PRKAR1B: variants seen among roughly 807,000 people sequenced by gnomAD.
The protein encoded by PRKAR1B is cAMP-dependent protein kinase type I-beta regulatory subunit.
In PRKAR1B, 22 loss-of-function variants were observed where a neutral mutation model predicts 46.5. The ratio of observed to expected loss-of-function variants is 0.47; its 90% confidence interval spans 0.34 to 0.68. The LOEUF is 0.68. Ranked by LOEUF, PRKAR1B falls within the 30% of genes least tolerant of loss-of-function variation. The pLI is 0.01. For synonymous variants in PRKAR1B, 259 were observed against 217.7 expected (o/e 1.19, Z -1.67); for missense variants, 445 against 535.6 (o/e 0.83, Z 1.67).
intron 7 of PRKAR1B, among the ~76,000 whole-genome samples, chr7:586,695 C>T (rs141894212): frequency 6.6e-6 from 1 of 152,332 alleles, no homozygotes; most frequent in African/African-American, 2.4e-5. Context: ...TACACAGCCA[C>T]AGCTAACTAA....
chr7:568,916 C>T (rs1272262925), intron 9 of PRKAR1B, among the ~76,000 whole-genome samples: 1 of 151,144 alleles, frequency 6.6e-6, no homozygotes, highest in Admixed American at 6.6e-5. Context: ...CTGGAAATGT[C>T]TGCAATGGAA....
chr7:631,769 TAG>T (rs1234811168), intron 4 of PRKAR1B, among the ~76,000 whole-genome samples: 1 of 150,774 alleles, frequency 6.6e-6, no homozygotes, highest in African/African-American at 2.4e-5. Context: ...CTGGCCAACA[TAG>T]AGAGACCCCC....
rs533365707 is a variant in PRKAR1B at position 593,278 on chromosome 7, C to A, written c.708+2868G>T. 6.6e-6 allele frequency among the ~76,000 whole-genome samples: 1 copy of A among 152,216 alleles called. No individual in the cohort carries two copies. Among genetic ancestry groups the A allele is most frequent in the African/African-American group, 2.4e-5 (1 of 41,514 alleles). ...GGTCTACTTCCTGGAGACACCAGACCGGGTCTCCCGCGTCCCCCAGGTCCC... is the reference window on the plus strand; with the variant it reads ...GGTCTACTTCCTGGAGACACCAGACAGGGTCTCCCGCGTCCCCCAGGTCCC... On this transcript the variant is annotated intron_variant, in intron 7 of 10. Coordinates refer to ENST00000537384, the MANE Select transcript of PRKAR1B (RefSeq NM_001164760.2). This position sits in a 1 kb window ranked among gnomAD's most constrained non-coding sequence, Gnocchi z 6.1.
At chr7:660,882 T>G (rs1418328439) in intron 4 of PRKAR1B, among the ~76,000 whole-genome samples, 1 of 57,216 alleles carries the variant, frequency 1.7e-5, no homozygotes, top group Non-Finnish European at 3.3e-5. Flanking sequence ...CACAGGTCCC[T>G]ACTCCAACGG....
rs150090106 is a variant in PRKAR1B, at chr7:602,930, G to A, written c.549+3263C>T. 2.0e-5 allele frequency among the ~76,000 whole-genome samples: 3 copies of A among 152,290 alleles called. No homozygotes were observed. Among genetic ancestry groups the A allele is most frequent in the African/African-American group, 4.8e-5 (2 of 41,572 alleles). On this transcript the variant is annotated intron_variant, in intron 6 of 10. Transcript: ENST00000537384. This position sits in a 1 kb window ranked among gnomAD's most constrained non-coding sequence, Gnocchi z 6.4. ...GGTCCTCTGAGTCCCGAGTCCACGCGATCCTGACCCGTCCACCACCCTCCT... is the reference window on the plus strand; with the variant it reads ...GGTCCTCTGAGTCCCGAGTCCACGCAATCCTGACCCGTCCACCACCCTCCT...
chr7:629,011 C>T (rs185525555), intron 4 of PRKAR1B, among the ~76,000 whole-genome samples: 45 of 152,336 alleles, frequency 3.0e-4, no homozygotes, highest in African/African-American at 9.6e-4. Flanking sequence ...CACCGCGGGA[C>T]GCCATTGCTA....
intron 7 of PRKAR1B, among the ~76,000 whole-genome samples, chr7:594,849 GATC>G (rs1278219621): frequency 2.6e-5 from 4 of 152,026 alleles, no homozygotes; most frequent in African/African-American, 9.7e-5. Flanking sequence ...GTCCCCCCCA[GATC>G]ATGACGAGAC....
intron 9 of PRKAR1B, among the ~76,000 whole-genome samples, chr7:555,797 G>C (rs1370992713): frequency 6.6e-6 from 1 of 152,212 alleles, no homozygotes; most frequent in East Asian, 1.9e-4. Context: ...CTACCCGAAG[G>C]CTGCAGTCAC....
intron 4 of PRKAR1B, among the ~76,000 whole-genome samples, chr7:660,189 T>C (rs910917267): frequency 3.3e-5 from 5 of 151,934 alleles, no homozygotes; most frequent in Non-Finnish European, 7.4e-5. Context: ...CGGCTCCATG[T>C]TCCGGGTTCT....
intron 2 of PRKAR1B, among the ~76,000 whole-genome samples, chr7:691,961 A>G (rs74560326): frequency 0.033 from 5,096 of 152,298 alleles, 313 homozygotes; most frequent in African/African-American, 0.12. Context: ...GGGAGACGGA[A>G]ATCAAGGGTG....
chr7:695,617 A>G (rs1019796054), intron 2 of PRKAR1B, among the ~76,000 whole-genome samples: 5 of 152,012 alleles, frequency 3.3e-5, no homozygotes, highest in Non-Finnish European at 7.4e-5. Context: ...GACCAAATAA[A>G]GTGCCTCAGC....
rs545778422 is a variant in PRKAR1B, at chr7:572,599, A to T, written c.891+6657T>A. On this transcript the variant is annotated intron_variant, in intron 9 of 10. Transcript: ENST00000537384. Reference sequence around the variant, plus strand: ...ACACCTGTGCGGGGCTGGGGTCCCCACACCTGAGGGAAATCAGCTCCCAAA... The same window carrying T: ...ACACCTGTGCGGGGCTGGGGTCCCCTCACCTGAGGGAAATCAGCTCCCAAA... Among the ~76,000 whole-genome samples the T allele has an allele frequency of 1.1e-4, 16 of 152,110 alleles. 1 individual carries two copies. The South Asian group carries it at 2.1e-3, about 20-fold the overall frequency.
At chr7:689,793 C>G (rs1173132752) in intron 2 of PRKAR1B, among the ~76,000 whole-genome samples, 1 of 151,950 alleles carries the variant, frequency 6.6e-6, no homozygotes, top group Non-Finnish European at 1.5e-5. Context: ...CATTCTCCTG[C>G]CTCAGCCTCT....
At chr7:647,405 T>C (rs1259260582) in intron 4 of PRKAR1B, among the ~76,000 whole-genome samples, 3 of 151,962 alleles carry the variant, frequency 2.0e-5, no homozygotes, top group East Asian at 3.9e-4. Flanking sequence ...CTCCCATCCA[T>C]GCCCCCTCTA....
intron 2 of PRKAR1B, chr7:691,493 C>T: frequency 7.7e-7 from 1 of 1,304,342 alleles, no homozygotes; most frequent in African/African-American, 1.5e-5. Flanking sequence ...CCCCAGCGCA[C>T]CACAGCCATC....
intron 4 of PRKAR1B, among the ~76,000 whole-genome samples, chr7:659,578 G>A (rs529847916): frequency 1.3e-5 from 2 of 152,264 alleles, no homozygotes; most frequent in East Asian, 3.9e-4. Flanking sequence ...CACTGGTGAG[G>A]CAAGAAGACG....
rs1295929335 is a variant in PRKAR1B, at chr7:666,423, G to C, written c.440+10806C>G. ...GTAACTGCCCCGGGCACCCCAGGTA[G>C]GATGCGGAATCTGCTTCGCTCCAAT... On this transcript the variant is annotated intron_variant, in intron 4 of 10. Coordinates refer to ENST00000537384, the MANE Select transcript of PRKAR1B (RefSeq NM_001164760.2). The surrounding 1 kb of genome is among the most constrained non-coding windows in gnomAD (Gnocchi z 4.9). Among the ~76,000 whole-genome samples the C allele has an allele frequency of 2.0e-5, 3 of 152,228 alleles. No homozygotes were observed. The highest frequency in any genetic ancestry group is 2.9e-5 in the Non-Finnish European group (2 of 68,046).
rs142924707 is a variant in PRKAR1B at position 681,123 on chromosome 7, T to C, written c.178-397A>G. On this transcript the variant is annotated intron_variant, in intron 2 of 10. Transcript: ENST00000537384. ...GGGTTTCCAAGGGACTCCTCCCCCT[T>C]CACTCAGCACTTCTCCTTCCTGCTG... 2.3e-3 allele frequency among the ~76,000 whole-genome samples: 357 copies of C among 152,128 alleles called. 1 individual carries two copies. Among genetic ancestry groups the C allele is most frequent in the African/African-American group, 8.0e-3 (331 of 41,498 alleles).
chr7:643,636 C>T (rs1001423319), intron 4 of PRKAR1B, among the ~76,000 whole-genome samples: 2 of 151,262 alleles, frequency 1.3e-5, no homozygotes, highest in Non-Finnish European at 1.5e-5. Flanking sequence ...GCAGGAGAAT[C>T]ACTTGAACTG....
Sources: gnomAD v4.1 joint callset for allele counts (sites outside exome capture counted in the v4.1 genomes callset) on GRCh38, gnomAD v4.1.1 for gene constraint, Gnocchi (gnomAD v3.1) non-coding constraint, MANE v1.5 for transcripts, NCBI Gene and HGNC (gene_info 2026-07-23, HGNC 2026-07-21) for gene names.